MYBPC1: variants seen among roughly 807,000 people sequenced by gnomAD.
MYBPC1 encodes the protein myosin binding protein C1.
A neutral mutation model predicts 147.1 loss-of-function variants in MYBPC1; 52 were observed. The ratio of observed to expected loss-of-function variants is 0.35; its 90% confidence interval spans 0.28 to 0.45. MYBPC1 has a LOEUF of 0.45. Among genes scored for constraint, MYBPC1 ranks in the 20% least tolerant of loss-of-function variants. MYBPC1 has a pLI of 1.00. For synonymous variants in MYBPC1, 477 were observed against 475.9 expected, an observed-to-expected ratio of 1.00 and a Z score of -0.03; for missense variants, 1,228 against 1,440.3, an observed-to-expected ratio of 0.85 and a Z score of 2.39.
At chr12:101,616,326 C>T (rs1483130873) in intron 2 of MYBPC1, among the ~76,000 whole-genome samples, 3 of 152,158 alleles carry the variant, frequency 2.0e-5, no homozygotes, top group Non-Finnish European at 4.4e-5. Flanking sequence ...AACCTACTGG[C>T]CATTATAAAC....
intron 2 of MYBPC1, chr12:101,615,063 A>G: frequency 5.4e-6 from 1 of 186,028 alleles, no homozygotes; most frequent in Non-Finnish European, 1.1e-5. Context: ...CAACTTCTTG[A>G]GTTCTTAGCA....
intron 24 of MYBPC1, among the ~76,000 whole-genome samples, chr12:101,671,175 T>C (rs1408658683): frequency 1.3e-5 from 2 of 152,192 alleles, no homozygotes; most frequent in African/African-American, 2.4e-5. Flanking sequence ...GGAACTAGTG[T>C]GACTGGAGAA....
chr12:101,641,708 G>A (rs1892080583), intron 10 of MYBPC1, among the ~76,000 whole-genome samples: 1 of 151,994 alleles, frequency 6.6e-6, no homozygotes, highest in African/African-American at 2.4e-5. Flanking sequence ...AAGATGAAAT[G>A]TAAGAAAATT....
chr12:101,607,931 A>G (rs1331416457), intron 1 of MYBPC1, among the ~76,000 whole-genome samples: 1 of 152,164 alleles, frequency 6.6e-6, no homozygotes, highest in Non-Finnish European at 1.5e-5. Context: ...AATGGACTCC[A>G]TTGGAGAGGG....
In MYBPC1 at chr12:101,649,256, T is replaced by G. The variant is rs749292098; in HGVS notation, c.1197-4T>G. 4 of 1,611,550 alleles carry G rather than the reference T, an allele frequency of 2.5e-6. No individual in the cohort carries two copies. The East Asian group carries it at 8.9e-5, about 36-fold the overall frequency. ...AACCTTTTTAATATTTTATCTTAAT[T>G]CAGGTTTAAGAATGGTGAAGAGATT... On this transcript the variant is annotated splice_polypyrimidine_tract_variant and splice_region_variant and intron_variant, in intron 14 of 31. Transcript: ENST00000361466.
intron 8 of MYBPC1, among the ~76,000 whole-genome samples, chr12:101,632,389 G>A (rs1454294455): frequency 6.6e-6 from 1 of 152,128 alleles, no homozygotes; most frequent in Non-Finnish European, 1.5e-5. Context: ...CAATCTCCCA[G>A]ATAAAAGATG....
the MYBPC1 span, among the ~76,000 whole-genome samples, chr12:101,693,323 A>G: frequency 6.6e-6 from 1 of 152,290 alleles, no homozygotes; most frequent in African/African-American, 2.4e-5. Flanking sequence ...ATGTAGATAT[A>G]TAGTTACATA....
chr12:101,655,126 G>A (rs1354110123), intron 18 of MYBPC1, among the ~76,000 whole-genome samples: 2 of 152,120 alleles, frequency 1.3e-5, no homozygotes, highest in African/African-American at 4.8e-5. Context: ...TAGAATAGCA[G>A]TCGAGCATAT....
chr12:101,610,804 C>T (rs1353681855), intron 1 of MYBPC1, among the ~76,000 whole-genome samples: 1 of 152,138 alleles, frequency 6.6e-6, no homozygotes, highest in Non-Finnish European at 1.5e-5. Flanking sequence ...TCCACCAGTC[C>T]TCCTCTGCCT....
chr12:101,604,015 T>G (rs758587037), intron 1 of MYBPC1, among the ~76,000 whole-genome samples: 11 of 152,164 alleles, frequency 7.2e-5, no homozygotes, highest in Admixed American at 1.3e-4. Flanking sequence ...TCAAATTGCT[T>G]TTGCAATAAT....
Position 101,680,348 on chromosome 12 carries a change from A to C in MYBPC1, c.3252A>C (p.Lys1084Asn). 2 of 1,613,928 alleles carry C rather than the reference A, an allele frequency of 1.2e-6. No homozygotes were observed. The highest frequency in any genetic ancestry group is 1.7e-6 in the Non-Finnish European group (2 of 1,179,910). Residue 1084 changes from lysine (K) to asparagine (N), a missense_variant, in exon 29 of 32, where the codon AAA becomes AAC. Lys to Asn is a moderately conservative substitution (Grantham distance 94). Coordinates refer to ENST00000361466, the MANE Select transcript of MYBPC1 (RefSeq NM_002465.4). ...TTCTTCAATTTGAACTTCAGCCTAA[A>C]ATAACCTGGATGAAAAACAAAGTTG... ...NCSVRGNPKP[K>N]ITWMKNKVAI...
chr12:101,680,577 T>TTA, intron 29 of MYBPC1, 48 bp downstream of exon 29: 1 of 1,596,282 alleles, frequency 6.3e-7, no homozygotes, highest in Non-Finnish European at 8.6e-7. Flanking sequence ...AAGAAAATCA[T>TTA]TGAATTATTG....
rs189614532 is a variant in MYBPC1 at position 101,614,364 on chromosome 12, C to A, written c.26-132C>A. 14 of 859,118 alleles carry A rather than the reference C, an allele frequency of 1.6e-5. 1 individual carries two copies. The East Asian group carries it at 3.7e-4, about 23-fold the overall frequency. 53.2% of individuals were successfully genotyped at this position (859,118 alleles called of 1,614,324 possible). On this transcript the variant is annotated intron_variant, in intron 1 of 31. Coordinates refer to ENST00000361466, the MANE Select transcript of MYBPC1 (RefSeq NM_002465.4). ...AGAGAGAGAAGAGAGAATGTGTTTCCCTCCTCCATCCCTCTTGTGAGTACA... is the reference window on the plus strand; with the variant it reads ...AGAGAGAGAAGAGAGAATGTGTTTCACTCCTCCATCCCTCTTGTGAGTACA...
intron 25 of MYBPC1, among the ~76,000 whole-genome samples, 178 bp from the exon 26 acceptor site, chr12:101,675,114 A>T (rs903627591): frequency 5.9e-5 from 9 of 152,046 alleles, no homozygotes; most frequent in Non-Finnish European, 1.0e-4. Flanking sequence ...GTGCCCTTTG[A>T]TCTGGCCTGG....
At chr12:101,641,326 A>C (rs1263436113) in intron 10 of MYBPC1, among the ~76,000 whole-genome samples, 1 of 152,192 alleles carries the variant, frequency 6.6e-6, no homozygotes, top group African/African-American at 2.4e-5. Flanking sequence ...CCTGATAAAA[A>C]TAGTCATGTA....
intron 9 of MYBPC1, 87 bp from the exon 10 acceptor site, chr12:101,636,585 T>C (rs780131958): frequency 8.3e-6 from 9 of 1,079,968 alleles, no homozygotes; most frequent in Middle Eastern, 2.0e-4. Context: ...CAAAATTGCA[T>C]ATACGTTACA....
intron 29 of MYBPC1, among the ~76,000 whole-genome samples, chr12:101,681,131 A>G (rs1233285844): frequency 6.6e-6 from 1 of 152,192 alleles, no homozygotes; most frequent in African/African-American, 2.4e-5. Context: ...TTCAAAGTGT[A>G]GCAACTAATG....
chr12:101,621,739 A>T (rs1224564906), intron 3 of MYBPC1, among the ~76,000 whole-genome samples: 1 of 152,166 alleles, frequency 6.6e-6, no homozygotes, highest in Non-Finnish European at 1.5e-5. Flanking sequence ...CATAGGTAGG[A>T]GTTGCTTTAT....
intron 1 of MYBPC1, among the ~76,000 whole-genome samples, chr12:101,608,680 C>G (rs1202381690): frequency 6.6e-6 from 1 of 152,234 alleles, no homozygotes; most frequent in Non-Finnish European, 1.5e-5. Flanking sequence ...TTCCTCGACA[C>G]AAGTTGCTTT....
Sources: allele counts gnomAD v4.1 joint callset (sites outside exome capture counted in the v4.1 genomes callset), GRCh38; gene constraint gnomAD v4.1.1; transcripts MANE v1.5; gene names NCBI Gene and HGNC (gene_info 2026-07-23, HGNC 2026-07-21).